Variants in ZNF385D observed in about 807,000 individuals in gnomAD.
The protein encoded by ZNF385D is zinc finger protein 385D.
A neutral mutation model predicts 35.8 loss-of-function variants in ZNF385D; 15 were observed. That is an observed-to-expected ratio of 0.42 (90% confidence interval 0.28 to 0.64). The LOEUF is 0.64. Among genes scored for constraint, ZNF385D ranks in the 30% least tolerant of loss-of-function variants. The pLI, the probability that ZNF385D is intolerant of heterozygous loss-of-function variation, is 0.23. For missense variants in ZNF385D, 474 were observed against 494.6 expected (o/e 0.96, Z 0.39); for synonymous variants, 212 against 186.8 (o/e 1.13, Z -1.10).
chr3:22,320,954 A>C (rs978024210), intron 2 of ZNF385D, among the ~76,000 whole-genome samples: 7 of 151,978 alleles, frequency 4.6e-5, no homozygotes, highest in African/African-American at 1.7e-4. Flanking sequence ...ATCGTTAACA[A>C]AAGTAAACAT....
At chr3:21,530,920 T>C (rs2125532868) in intron 3 of ZNF385D, among the ~76,000 whole-genome samples, 1 of 152,224 alleles carries the variant, frequency 6.6e-6, no homozygotes, top group Non-Finnish European at 1.5e-5. Context: ...TTACAATCCA[T>C]ACCATGTTTA....
intron 2 of ZNF385D, among the ~76,000 whole-genome samples, chr3:22,175,980 A>G (rs1694807784): frequency 6.6e-6 from 1 of 150,874 alleles, no homozygotes; most frequent in Admixed American, 6.6e-5. Context: ...GGGTCACAAT[A>G]TCTTCTATAT....
At chr3:21,788,446 T>C (rs1468934084) in intron 3 of ZNF385D, among the ~76,000 whole-genome samples, 3 of 152,192 alleles carry the variant, frequency 2.0e-5, no homozygotes, top group Admixed American at 6.5e-5. Context: ...CCCACTGCAC[T>C]CCAGCCTGGG....
intron 3 of ZNF385D, among the ~76,000 whole-genome samples, chr3:22,018,142 A>G (rs778996355): frequency 5.9e-5 from 9 of 151,720 alleles, no homozygotes; most frequent in Admixed American, 2.0e-4. Context: ...AACCATTTTT[A>G]TTGTTTAAAA....
intron 4 of ZNF385D, among the ~76,000 whole-genome samples, chr3:21,504,456 CA>C (rs1412709993): frequency 2.0e-5 from 3 of 152,122 alleles, no homozygotes; most frequent in Non-Finnish European, 2.9e-5. Flanking sequence ...AACAGAAACA[CA>C]AAACTGATTG....
intron 1 of ZNF385D, among the ~76,000 whole-genome samples, chr3:21,708,587 A>G (rs1213287861): frequency 6.6e-6 from 1 of 152,056 alleles, no homozygotes; most frequent in Non-Finnish European, 1.5e-5. Flanking sequence ...ACTCTATTAC[A>G]TTACTAAATT....
intron 2 of ZNF385D, among the ~76,000 whole-genome samples, chr3:21,576,707 A>G (rs2063505811): frequency 6.6e-6 from 1 of 152,152 alleles, no homozygotes; most frequent in Non-Finnish European, 1.5e-5. Flanking sequence ...AGAGCACTCA[A>G]TACATATTTA....
chr3:21,875,626 C>T (rs1575819007), intron 3 of ZNF385D, among the ~76,000 whole-genome samples: 1 of 152,202 alleles, frequency 6.6e-6, no homozygotes, highest in Admixed American at 6.6e-5. Context: ...CCATTTGAGT[C>T]TCATCTTTCC....
chr3:22,129,907 C>A (rs1484874855), intron 3 of ZNF385D, among the ~76,000 whole-genome samples: 1 of 152,116 alleles, frequency 6.6e-6, no homozygotes, highest in African/African-American at 2.4e-5. Context: ...GTCACCACAG[C>A]TGGGAGTGTC....
At chr3:21,984,272 T>TTTC (rs1694680243) in intron 3 of ZNF385D, among the ~76,000 whole-genome samples, 1 of 146,634 alleles carries the variant, frequency 6.8e-6, no homozygotes, top group Non-Finnish European at 1.5e-5. Flanking sequence ...ATGCCTAGGG[T>TTTC]TTCTTCTAGG....
chr3:22,141,042 A>G (rs1704473149), intron 3 of ZNF385D, among the ~76,000 whole-genome samples: 1 of 152,224 alleles, frequency 6.6e-6, no homozygotes, highest in Admixed American at 6.5e-5. Context: ...AATTTATAGT[A>G]CAACAAATTC....
exon 2 of ZNF385D, chr3:22,372,547 C>A (rs1696960016): frequency 8.1e-6 from 8 of 985,766 alleles, no homozygotes; most frequent in African/African-American, 3.5e-5. Flanking sequence ...GGCGCCCTGG[C>A]CCTGGCATCC....
chr3:21,766,843 T>C (rs1283994111), intron 3 of ZNF385D, among the ~76,000 whole-genome samples: 2 of 152,018 alleles, frequency 1.3e-5, no homozygotes, highest in African/African-American at 4.8e-5. Flanking sequence ...CTGGAAACAC[T>C]GTTTGTAGGT....
intron 4 of ZNF385D, among the ~76,000 whole-genome samples, chr3:21,481,921 G>T (rs1489076792): frequency 1.3e-5 from 2 of 151,930 alleles, no homozygotes; most frequent in African/African-American, 4.8e-5. Flanking sequence ...TTGAATATTT[G>T]GACACTACTC....
At chr3:22,203,368 T>C (rs80107698) in intron 2 of ZNF385D, among the ~76,000 whole-genome samples, 1,875 of 152,102 alleles carry the variant, frequency 0.012, 22 homozygotes, top group African/African-American at 0.035. Flanking sequence ...AGTCCCTGAG[T>C]CTTGAATTAT....
chr3:22,299,605 A>G (rs1702787577), intron 2 of ZNF385D, among the ~76,000 whole-genome samples: 1 of 151,940 alleles, frequency 6.6e-6, no homozygotes, highest in Non-Finnish European at 1.5e-5. Flanking sequence ...TGTTAGAACT[A>G]ATAAATGAAT....
At chr3:21,815,489 A>G (rs1441703314) in intron 3 of ZNF385D, among the ~76,000 whole-genome samples, 1 of 152,210 alleles carries the variant, frequency 6.6e-6, no homozygotes, top group Non-Finnish European at 1.5e-5. Context: ...AAAAAATGAT[A>G]AAGGGGATAT....
At chr3:21,531,793 G>C (rs1012509741) in intron 3 of ZNF385D, among the ~76,000 whole-genome samples, 11 of 152,196 alleles carry the variant, frequency 7.2e-5, no homozygotes, top group African/African-American at 2.7e-4. Context: ...AGGCAATGAA[G>C]CTATTCTGTA....
intron 1 of ZNF385D, among the ~76,000 whole-genome samples, chr3:21,721,464 C>T (rs1236549595): frequency 6.6e-6 from 1 of 151,660 alleles, no homozygotes; most frequent in East Asian, 1.9e-4. Context: ...AAAAAAGACT[C>T]CACACAAACA....
Sources: allele counts gnomAD v4.1 joint callset (sites outside exome capture counted in the v4.1 genomes callset), GRCh38; gene constraint gnomAD v4.1.1; transcripts MANE v1.5; gene names NCBI Gene and HGNC (gene_info 2026-07-23, HGNC 2026-07-21).